Variants in IGSF10 observed in about 807,000 individuals in gnomAD.
The protein encoded by IGSF10 is calvaria mechanical force protein 608.
In IGSF10, 126 loss-of-function variants were observed where a neutral mutation model predicts 128.2. That is an observed-to-expected ratio of 0.98 (90% confidence interval 0.85 to 1.14). The LOEUF (loss-of-function observed/expected upper bound fraction) is 1.14, where lower values mean the gene tolerates loss of function less well. IGSF10 is among the 50% of genes most tolerant of loss of function. The probability of loss-of-function intolerance (pLI) is 0.00; values close to 1 mark genes in which losing one functional copy is unlikely to be tolerated. For missense variants in IGSF10, 3,295 were observed against 3,149.8 expected, an observed-to-expected ratio of 1.05 and a Z score of -1.10; for synonymous variants, 1,185 against 1,146.2, an observed-to-expected ratio of 1.03 and a Z score of -0.68.
the IGSF10 span, among the ~76,000 whole-genome samples, chr3:151,487,093 TGAA>T: frequency 1.0e-3 from 158 of 151,006 alleles, 1 homozygote; most frequent in African/African-American, 3.5e-3. Flanking sequence ...GCCAGACTAA[TGAA>T]GAAGAAAGGA....
the IGSF10 span, among the ~76,000 whole-genome samples, chr3:151,606,462 A>C: frequency 3.9e-5 from 6 of 152,262 alleles, no homozygotes; most frequent in East Asian, 1.2e-3. Context: ...ACTCTCCCCA[A>C]TGGTAACATA....
chr3:151,564,392 A>G, the IGSF10 span, among the ~76,000 whole-genome samples: 1 of 152,074 alleles, frequency 6.6e-6, no homozygotes, highest in Non-Finnish European at 1.5e-5. Flanking sequence ...TTTGGCCAGC[A>G]TGACGTTTAA....
the IGSF10 span, among the ~76,000 whole-genome samples, chr3:151,478,301 C>T: frequency 6.6e-6 from 1 of 152,234 alleles, no homozygotes; most frequent in East Asian, 1.9e-4. Context: ...TATCTGGACA[C>T]TGGCATTTAT....
At chr3:151,575,273 G>A in the IGSF10 span, among the ~76,000 whole-genome samples, 2 of 152,286 alleles carry the variant, frequency 1.3e-5, no homozygotes, top group East Asian at 1.9e-4. Context: ...AGACAGGGAC[G>A]TTTAAGTCTG....
At chr3:151,549,990 C>T in the IGSF10 span, among the ~76,000 whole-genome samples, 3,883 of 151,840 alleles carry the variant, frequency 0.026, 100 homozygotes, top group East Asian at 0.13. Flanking sequence ...TAAGAGAGAC[C>T]TTGGTTTAAG....
At chr3:151,600,255 C>A in the IGSF10 span, among the ~76,000 whole-genome samples, 1 of 151,884 alleles carries the variant, frequency 6.6e-6, no homozygotes, top group Non-Finnish European at 1.5e-5. Flanking sequence ...AGTAATAGTG[C>A]AGATGGTTTG....
chr3:151,481,215 CCT>C, the IGSF10 span, among the ~76,000 whole-genome samples: 1 of 152,210 alleles, frequency 6.6e-6, no homozygotes, highest in East Asian at 1.9e-4. Context: ...AGCCGTGTGA[CCT>C]CACTCTCCAG....
chr3:151,497,803 C>A, the IGSF10 span, among the ~76,000 whole-genome samples: 1 of 152,100 alleles, frequency 6.6e-6, no homozygotes, highest in Non-Finnish European at 1.5e-5. Context: ...CTCTTCCTAT[C>A]CATGAGCATG....
chr3:151,614,273 G>A, the IGSF10 span, among the ~76,000 whole-genome samples: 1 of 152,162 alleles, frequency 6.6e-6, no homozygotes. Context: ...CGATTCCTCA[G>A]GGATCTAGAA....
At chr3:151,601,440 C>T in the IGSF10 span, among the ~76,000 whole-genome samples, 23 of 152,250 alleles carry the variant, frequency 1.5e-4, no homozygotes, top group Admixed American at 7.2e-4. Flanking sequence ...CACGCACACA[C>T]ACATGCTTAT....
chr3:151,493,334 C>T, the IGSF10 span, among the ~76,000 whole-genome samples: 1 of 152,112 alleles, frequency 6.6e-6, no homozygotes, highest in South Asian at 2.1e-4. Context: ...GTTTGCTTCA[C>T]TATAGTAACC....
At chr3:151,470,116 C>T in the IGSF10 span, among the ~76,000 whole-genome samples, 1 of 152,240 alleles carries the variant, frequency 6.6e-6, no homozygotes, top group South Asian at 2.1e-4. Flanking sequence ...TCTATTTTTC[C>T]CAGGCATTGC....
the IGSF10 span, among the ~76,000 whole-genome samples, chr3:151,511,834 C>A: frequency 6.6e-6 from 1 of 152,132 alleles, no homozygotes; most frequent in African/African-American, 2.4e-5. Flanking sequence ...ATAAAACAGA[C>A]TTTAAGCCAA....
chr3:151,564,421 C>T, the IGSF10 span, among the ~76,000 whole-genome samples: 561 of 152,152 alleles, frequency 3.7e-3, 3 homozygotes, highest in African/African-American at 0.013. Flanking sequence ...TTCCTTCCTT[C>T]CTTCCTTCCT....
At chr3:151,538,108 G>C in the IGSF10 span, among the ~76,000 whole-genome samples, 1 of 152,140 alleles carries the variant, frequency 6.6e-6, no homozygotes, top group Non-Finnish European at 1.5e-5. Context: ...TTCACGTTTA[G>C]TTAAGGGTCT....
the IGSF10 span, among the ~76,000 whole-genome samples, chr3:151,601,947 C>G: frequency 1.3e-5 from 2 of 152,054 alleles, no homozygotes; most frequent in Non-Finnish European, 2.9e-5. Context: ...CACAAGTATG[C>G]TTTTTGGGAA....
At chr3:151,564,820 A>G in the IGSF10 span, among the ~76,000 whole-genome samples, 2 of 143,216 alleles carry the variant, frequency 1.4e-5, no homozygotes, top group Non-Finnish European at 3.0e-5. Context: ...GTAAGCGTGC[A>G]GTTGAAAGTT....
the IGSF10 span, among the ~76,000 whole-genome samples, chr3:151,522,084 A>G: frequency 6.6e-6 from 1 of 152,086 alleles, no homozygotes. Context: ...TATGAACACA[A>G]ACTAGAAAAC....
chr3:151,570,348 C>T, the IGSF10 span, among the ~76,000 whole-genome samples: 4 of 152,212 alleles, frequency 2.6e-5, no homozygotes, highest in East Asian at 1.9e-4. Context: ...TACAGTCCCA[C>T]CAACAGTGTA....
Sources: gnomAD v4.1 joint callset for allele counts (sites outside exome capture counted in the v4.1 genomes callset) on GRCh38, gnomAD v4.1.1 for gene constraint, MANE v1.5 for transcripts, NCBI Gene and HGNC (gene_info 2026-07-23, HGNC 2026-07-21) for gene names.